ELFN2: variants seen among roughly 807,000 people sequenced by gnomAD.
ELFN2 encodes the protein extracellular leucine rich repeat and fibronectin type III domain containing 2.
ELFN2 carries 17 observed loss-of-function variants against 45.5 expected under a neutral mutation model. That is an observed-to-expected ratio of 0.37 (90% CI 0.26 to 0.56). The LOEUF is 0.56. Among genes scored for constraint, ELFN2 ranks in the 20% least tolerant of loss-of-function variants. The pLI, the probability that ELFN2 is intolerant of heterozygous loss-of-function variation, is 0.77. For missense variants in ELFN2, 922 were observed against 1,183.2 expected (o/e 0.78, Z 3.24); for synonymous variants, 550 against 551.5 (o/e 1.00, Z 0.04).
Position 37,374,542 on chromosome 22 carries a change from G to T in ELFN2, c.993C>A (p.Ser331Arg), listed in dbSNP as rs141544698. The change falls in exon 3 of 3, where the codon AGC becomes AGA. Residue 331 changes from serine to arginine, a missense_variant. Transcript: ENST00000402918. Reference sequence around the variant, plus strand: ...TGAGGGTCATGACGTCGGAGAAGTAGCTGTTGTTGTACTGCACGAGGATGT... The same window carrying T: ...TGAGGGTCATGACGTCGGAGAAGTATCTGTTGTTGTACTGCACGAGGATGT... ...KMYILVQYNNSYFSDVMTLKN... is the reference protein window; with the variant it reads ...KMYILVQYNNRYFSDVMTLKN... 1 of 1,614,246 alleles carries T rather than the reference G, an allele frequency of 6.2e-7. No homozygotes were observed. The highest frequency in any genetic ancestry group is 1.1e-5 in the South Asian group (1 of 91,088).
In ELFN2 at chr22:37,355,246, G is replaced by A. The variant is rs140037453; in HGVS notation, n.149-12543C>T. On this transcript the variant is annotated intron_variant and non_coding_transcript_variant, in intron 1 of 2. Transcript: ENST00000452946. ...CACGTGGGCCACAAGCCCATCCACA[G>A]TGCTGCCTGGCAGGGAGCAGGGTGA... Among the ~76,000 whole-genome samples the A allele has an allele frequency of 4.8e-3, 731 of 152,344 alleles. 10 individuals are homozygous for A. The highest frequency in any genetic ancestry group is 0.017 in the African/African-American group (704 of 41,582).
chr22:37,367,676 G>A (rs1314750538), downstream of ELFN2, among the ~76,000 whole-genome samples: 2 of 152,244 alleles, frequency 1.3e-5, no homozygotes, highest in African/African-American at 4.8e-5. Context: ...ACAACAGAGG[G>A]ATGTCTAGGC....
chr22:37,392,920 A>C (rs889634230), intron 2 of ELFN2, among the ~76,000 whole-genome samples: 1 of 152,208 alleles, frequency 6.6e-6, no homozygotes, highest in Non-Finnish European at 1.5e-5. Context: ...TCATTCAGAC[A>C]CACCTGCATA....
downstream of ELFN2, among the ~76,000 whole-genome samples, chr22:37,363,587 C>T (rs1931136541): frequency 6.6e-6 from 1 of 152,026 alleles, no homozygotes; most frequent in South Asian, 2.1e-4. Flanking sequence ...GAATGGGTGT[C>T]GTGGGCTTGG....
chr22:37,369,295 GC>G lies in ELFN2; in HGVS notation c.*3776del, dbSNP rs1281133701. Reference sequence around the variant, plus strand: ...CAGCCTGATACTCCCCACTGCTGCTGCCCCAGCTGCCTCCCGGGGACGATCC... The same window carrying G: ...CAGCCTGATACTCCCCACTGCTGCTGCCCAGCTGCCTCCCGGGGACGATCC... On this transcript the variant is annotated 3_prime_UTR_variant, in exon 3 of 3. Coordinates refer to ENST00000402918, the MANE Select transcript of ELFN2 (RefSeq NM_052906.5). 2 of 152,194 alleles carry G rather than the reference GC, an allele frequency of 1.3e-5. No individual in the cohort carries two copies. Among genetic ancestry groups the G allele is most frequent in the African/African-American group, 4.8e-5 (2 of 41,410 alleles). 9.4% of individuals were successfully genotyped at this position (152,194 alleles called of 1,614,324 possible).
intron 2 of ELFN2, among the ~76,000 whole-genome samples, chr22:37,377,546 G>A (rs1931614516): frequency 6.6e-6 from 1 of 152,274 alleles, no homozygotes; most frequent in Admixed American, 6.5e-5. Context: ...GAGCCCCAGA[G>A]GGCTGGAACA....
intron 1 of ELFN2, among the ~76,000 whole-genome samples, chr22:37,360,459 G>A (rs1467640859): frequency 6.6e-6 from 1 of 152,218 alleles, no homozygotes; most frequent in Non-Finnish European, 1.5e-5. Context: ...GGCACTGGAA[G>A]CTCTGTGTGT....
intron 2 of ELFN2, among the ~76,000 whole-genome samples, chr22:37,388,644 G>A (rs535067866): frequency 1.3e-5 from 2 of 152,238 alleles, no homozygotes; most frequent in Admixed American, 6.5e-5. Context: ...AGATCTCAGG[G>A]GACTTCAGCC....
intron 2 of ELFN2, among the ~76,000 whole-genome samples, chr22:37,409,710 A>G (rs1932598652): frequency 6.6e-6 from 1 of 152,218 alleles, no homozygotes; most frequent in South Asian, 2.1e-4. Flanking sequence ...AGGCACTCAC[A>G]ACAGGGAAAT....
chr22:37,348,401 G>GT (rs1289667339), intron 1 of ELFN2, among the ~76,000 whole-genome samples: 1 of 137,574 alleles, frequency 7.3e-6, no homozygotes, highest in Non-Finnish European at 1.7e-5. Context: ...ACAACCCTGT[G>GT]TTAGGGGGCA....
At chr22:37,409,958 G>T (rs1932604365) in intron 2 of ELFN2, among the ~76,000 whole-genome samples, 1 of 152,182 alleles carries the variant, frequency 6.6e-6, no homozygotes, top group South Asian at 2.1e-4. Context: ...ATTCCTTTCT[G>T]CTGTGCACGC....
intron 1 of ELFN2, among the ~76,000 whole-genome samples, chr22:37,347,271 G>A (rs1375228321): frequency 6.6e-6 from 1 of 152,158 alleles, no homozygotes; most frequent in Non-Finnish European, 1.5e-5. Flanking sequence ...GAGCCACCAC[G>A]CCTGGCCTCC....
rs538210653 is a variant in ELFN2, at chr22:37,380,134, G to A, written c.-462-4138C>T. Among the ~76,000 whole-genome samples, 7 of 152,348 alleles carry A rather than the reference G, an allele frequency of 4.6e-5. No individual in the cohort carries two copies. The East Asian group carries it at 5.8e-4, about 13-fold the overall frequency. The stretch of plus-strand genomic sequence containing the variant: ...TCCCAAGCTTCCCTGTCAGGGGAGC[G>A]TCTGGACCCCGGACCCGGGGAGAGC... On this transcript the variant is annotated intron_variant, in intron 2 of 2. Transcript: ENST00000402918.
In ELFN2 at chr22:37,417,184, T is replaced by TCTGC. The variant is rs796522650; in HGVS notation, c.-463+581_-463+584dup. Among the ~76,000 whole-genome samples, 9 of 152,112 alleles carry TCTGC rather than the reference T, an allele frequency of 5.9e-5. No individual in the cohort carries two copies. Among genetic ancestry groups the TCTGC allele is most frequent in the African/African-American group, 1.9e-4 (8 of 41,446 alleles). ...CCCCAGCCAGGACGGAGCAGCTCCT[T>TCTGC]CTGCCTGCCTGTCTGCCTGTTTGCG... On this transcript the variant is annotated intron_variant, in intron 2 of 2. Coordinates refer to ENST00000402918, the MANE Select transcript of ELFN2 (RefSeq NM_052906.5). This position sits in a 1 kb window ranked among gnomAD's most constrained non-coding sequence, Gnocchi z 4.5.
At chr22:37,347,966 T>C (rs1930735339) in intron 1 of ELFN2, among the ~76,000 whole-genome samples, 1 of 152,198 alleles carries the variant, frequency 6.6e-6, no homozygotes, top group African/African-American at 2.4e-5. Flanking sequence ...TGCCCATCTC[T>C]GATCTCTTGT....
chr22:37,383,327 G>A (rs1931841181), intron 2 of ELFN2, among the ~76,000 whole-genome samples: 1 of 152,194 alleles, frequency 6.6e-6, no homozygotes, highest in South Asian at 2.1e-4. Context: ...TCACACACAC[G>A]GCCAGGCAGC....
Position 37,372,844 on chromosome 22 carries a change from T to C in ELFN2, c.*228A>G. On this transcript the variant is annotated 3_prime_UTR_variant, in exon 3 of 3. Coordinates refer to ENST00000402918, the MANE Select transcript of ELFN2 (RefSeq NM_052906.5). This position sits in a 1 kb window ranked among gnomAD's most constrained non-coding sequence, Gnocchi z 4.4. ...CTGGTTTCGGTATCAGTTTGTAAACTTTAAGGAAAATGTGTCTCTGTTTTC... is the reference window on the plus strand; with the variant it reads ...CTGGTTTCGGTATCAGTTTGTAAACCTTAAGGAAAATGTGTCTCTGTTTTC... The C allele has an allele frequency of 1.8e-6, 1 of 549,404 alleles. No homozygotes were observed. The highest frequency in any genetic ancestry group is 3.2e-6 in the Non-Finnish European group (1 of 313,306). 34.0% of individuals were successfully genotyped at this position (549,404 alleles called of 1,614,324 possible).
At chr22:37,364,485 G>C (rs1931159437), downstream of ELFN2, among the ~76,000 whole-genome samples, 1 of 152,212 alleles carries the variant, frequency 6.6e-6, no homozygotes, top group Non-Finnish European at 1.5e-5. Flanking sequence ...CTGGGGCCCA[G>C]GCAGGAAAAC....
At chr22:37,350,859 G>A (rs556909380) in intron 1 of ELFN2, among the ~76,000 whole-genome samples, 1 of 149,766 alleles carries the variant, frequency 6.7e-6, no homozygotes, top group South Asian at 2.1e-4. Flanking sequence ...CATCAGCCTC[G>A]GAGGGGCCCT....
Sources: gnomAD v4.1 joint callset for allele counts (sites outside exome capture counted in the v4.1 genomes callset) on GRCh38, gnomAD v4.1.1 for gene constraint, Gnocchi (gnomAD v3.1) non-coding constraint, MANE v1.5 for transcripts, NCBI Gene and HGNC (gene_info 2026-07-23, HGNC 2026-07-21) for gene names.